The following GUCY1A1 variants were observed in gnomAD, a reference collection of about 807,000 sequenced individuals.
GUCY1A1 encodes the protein guanylate cyclase soluble subunit alpha-1.
GUCY1A1 carries 48 observed loss-of-function variants against 64.5 expected under a neutral mutation model. That is an observed-to-expected ratio of 0.74 (90% CI 0.59 to 0.95). GUCY1A1 has a LOEUF of 0.95. Among genes scored for constraint, GUCY1A1 ranks in the 40% least tolerant of loss-of-function variants. The probability of loss-of-function intolerance (pLI) is 0.00; values close to 1 mark genes in which losing one functional copy is unlikely to be tolerated. For missense variants in GUCY1A1, 804 were observed against 825.3 expected, an observed-to-expected ratio of 0.97 and a Z score of 0.32; for synonymous variants, 308 against 303.4, an observed-to-expected ratio of 1.02 and a Z score of -0.16.
chr4:155,670,263 C>T (rs1343227174), intron 2 of GUCY1A1, among the ~76,000 whole-genome samples: 1 of 152,096 alleles, frequency 6.6e-6, no homozygotes, highest in East Asian at 1.9e-4. Context: ...CAAATTTTTT[C>T]CCCAAAGTAT....
chr4:155,726,773 T>C (rs1437467121), intron 9 of GUCY1A1, among the ~76,000 whole-genome samples: 1 of 151,974 alleles, frequency 6.6e-6, no homozygotes. Context: ...GGGGATAATA[T>C]TCGACATTTT....
intron 2 of GUCY1A1, among the ~76,000 whole-genome samples, chr4:155,686,447 C>T (rs1381330564): frequency 1.3e-5 from 2 of 152,192 alleles, no homozygotes; most frequent in East Asian, 1.9e-4. Context: ...TGCCACTGCA[C>T]TCCAGCCTGG....
chr4:155,696,441 CT>C (rs1469335148), intron 2 of GUCY1A1, among the ~76,000 whole-genome samples: 1 of 151,828 alleles, frequency 6.6e-6, no homozygotes, highest in Non-Finnish European at 1.5e-5. Flanking sequence ...GTGTTCCACT[CT>C]TGTGAAATCA....
intron 8 of GUCY1A1, among the ~76,000 whole-genome samples, chr4:155,720,143 C>T (rs13148425): frequency 0.039 from 5,901 of 152,006 alleles, 128 homozygotes; most frequent in Middle Eastern, 0.062. Flanking sequence ...TCGGTTTTTA[C>T]GAGCAGAATA....
At chr4:155,679,413 C>T (rs567014386) in intron 2 of GUCY1A1, among the ~76,000 whole-genome samples, 1 of 152,304 alleles carries the variant, frequency 6.6e-6, no homozygotes, top group East Asian at 1.9e-4. Context: ...ATGGCACCAG[C>T]ATTTGCTTCT....
chr4:155,697,380 G>A (rs1331937760), intron 3 of GUCY1A1, among the ~76,000 whole-genome samples: 1 of 152,114 alleles, frequency 6.6e-6, no homozygotes, highest in Non-Finnish European at 1.5e-5. Context: ...TGGGCAACAG[G>A]CTTAATGCCT....
At chr4:155,672,835 T>C (rs897306731) in intron 2 of GUCY1A1, among the ~76,000 whole-genome samples, 2 of 152,236 alleles carry the variant, frequency 1.3e-5, no homozygotes, top group African/African-American at 2.4e-5. Flanking sequence ...AATTCCTTTA[T>C]TTTATCCACA....
intron 8 of GUCY1A1, among the ~76,000 whole-genome samples, chr4:155,718,392 T>G (rs1426128650): frequency 6.6e-6 from 1 of 152,224 alleles, no homozygotes; most frequent in Non-Finnish European, 1.5e-5. Flanking sequence ...TATATGTTTC[T>G]GTGCAACATA....
At chr4:155,719,758 G>A (rs1049962904) in intron 8 of GUCY1A1, among the ~76,000 whole-genome samples, 9 of 152,206 alleles carry the variant, frequency 5.9e-5, no homozygotes, top group African/African-American at 2.2e-4. Context: ...AAGTCAGTAG[G>A]TGACAAGTGA....
chr4:155,670,770 C>A (rs1250194735), intron 2 of GUCY1A1, among the ~76,000 whole-genome samples: 2 of 152,164 alleles, frequency 1.3e-5, no homozygotes, highest in Non-Finnish European at 1.5e-5. Flanking sequence ...TAAAACAAAT[C>A]CTCCATTTTA....
chr4:155,678,548 A>T (rs1486866078), intron 2 of GUCY1A1, among the ~76,000 whole-genome samples: 1 of 152,224 alleles, frequency 6.6e-6, no homozygotes, highest in African/African-American at 2.4e-5. Flanking sequence ...CTACAGATGA[A>T]AAAATGGATG....
In GUCY1A1 at chr4:155,710,720, T is replaced by G. The variant is rs150175743; in HGVS notation, c.555T>G (p.Leu185=). The change falls in exon 6 of 10, where the codon CTT becomes CTG. Residue 185 remains leucine (L), a synonymous_variant. Transcript: ENST00000506455. The part of the protein sequence containing the change: ...HCQEAGKRGR[L]EDASILCLDK... ...AAGAAGCAGGAAAAAGGGGCAGGCTTGAGGACGCCTCCATTCTATGCCTGG... is the reference window on the plus strand; with the variant it reads ...AAGAAGCAGGAAAAAGGGGCAGGCTGGAGGACGCCTCCATTCTATGCCTGG... The G allele has an allele frequency of 1.2e-6, 2 of 1,614,020 alleles. No individual in the cohort carries two copies. The highest frequency in any genetic ancestry group is 2.7e-5 in the African/African-American group (2 of 74,916).
At chr4:155,713,894 G>A (rs181684715) in intron 7 of GUCY1A1, among the ~76,000 whole-genome samples, 2 of 152,290 alleles carry the variant, frequency 1.3e-5, no homozygotes, top group African/African-American at 2.4e-5. Context: ...CCTGTGAATA[G>A]GAGAAGTTTA....
intron 2 of GUCY1A1, among the ~76,000 whole-genome samples, chr4:155,682,017 C>T (rs745560640): frequency 2.6e-4 from 39 of 152,184 alleles, no homozygotes; most frequent in Non-Finnish European, 4.6e-4. Flanking sequence ...TCTTTCTACA[C>T]AAAACTTCAG....
rs902459673 is a variant in GUCY1A1, at chr4:155,733,264, G to A, written c.*3033G>A. ...CATTCTGTGGGAGCACAAAGTAGGGGACTCAGTTCTTAGAGAAGTCTTTTG... is the reference window on the plus strand; with the variant it reads ...CATTCTGTGGGAGCACAAAGTAGGGAACTCAGTTCTTAGAGAAGTCTTTTG... On this transcript the variant is annotated 3_prime_UTR_variant, in exon 10 of 10. Coordinates refer to ENST00000506455, the MANE Select transcript of GUCY1A1 (RefSeq NM_001130682.3). 7.9e-5 allele frequency among the ~76,000 whole-genome samples: 12 copies of A among 151,700 alleles called. No homozygotes were observed. The highest frequency in any genetic ancestry group is 2.9e-4 in the African/African-American group (12 of 41,338).
intron 5 of GUCY1A1, 102 bp downstream of exon 5, chr4:155,708,396 G>A (rs1732090614): frequency 1.5e-6 from 1 of 680,410 alleles, no homozygotes; most frequent in Non-Finnish European, 2.7e-6. Context: ...CTCCCAGTAT[G>A]AAGTGTTCAA....
rs1735666931 is a variant in GUCY1A1, at chr4:155,732,516, C to CT, written c.*2292dup. Among the ~76,000 whole-genome samples the CT allele has an allele frequency of 6.6e-6, 1 of 151,860 alleles. No individual in the cohort carries two copies. The highest frequency in any genetic ancestry group is 2.1e-4 in the South Asian group (1 of 4,830). On this transcript the variant is annotated 3_prime_UTR_variant, in exon 10 of 10. Coordinates refer to ENST00000506455, the MANE Select transcript of GUCY1A1 (RefSeq NM_001130682.3). ...AGATGCTAAAAAATTTAAGGAATATCTTTTTTTCTCTATCTTATCTGCTTT... is the reference window on the plus strand; with the variant it reads ...AGATGCTAAAAAATTTAAGGAATATCTTTTTTTTCTCTATCTTATCTGCTTT...
At chr4:155,689,411 T>A (rs1729445103) in intron 2 of GUCY1A1, among the ~76,000 whole-genome samples, 1 of 152,198 alleles carries the variant, frequency 6.6e-6, no homozygotes, top group Admixed American at 6.5e-5. Flanking sequence ...TCATAAGTAG[T>A]GATGATACTT....
chr4:155,667,840 G>A (rs1271814006), intron 2 of GUCY1A1: 1 of 152,168 alleles, frequency 6.6e-6, no homozygotes, highest in African/African-American at 2.4e-5. Context: ...CAAGCGAGCG[G>A]GCGCAGCTGG....
Sources: gnomAD v4.1 joint callset for allele counts (sites outside exome capture counted in the v4.1 genomes callset) on GRCh38, gnomAD v4.1.1 for gene constraint, MANE v1.5 for transcripts, NCBI Gene and HGNC (gene_info 2026-07-23, HGNC 2026-07-21) for gene names.